The following PSD3 variants were observed in gnomAD, a reference collection of about 807,000 sequenced individuals.
PSD3 encodes pleckstrin and Sec7 domain containing 3.
PSD3 carries 49 observed loss-of-function variants against 105.5 expected under a neutral mutation model. The ratio of observed to expected loss-of-function variants is 0.46; its 90% CI spans 0.37 to 0.59. The LOEUF is 0.59. PSD3 is among the 20% of genes least tolerant of loss of function. The probability of loss-of-function intolerance (pLI) is 0.00; values close to 1 mark genes in which losing one functional copy is unlikely to be tolerated. For synonymous variants in PSD3, 557 were observed against 457.8 expected (o/e 1.22, Z -2.77); for missense variants, 1,561 against 1,263.8 (o/e 1.24, Z -3.57).
intron 9 of PSD3, among the ~76,000 whole-genome samples, chr8:18,752,593 T>TATAA (rs1563225712): frequency 1.2e-5 from 1 of 80,188 alleles, no homozygotes; most frequent in African/African-American, 6.9e-5. Context: ...ATATTATATA[T>TATAA]TATATATTAT....
intron 4 of PSD3, among the ~76,000 whole-genome samples, chr8:18,866,909 C>A (rs1563362447): frequency 6.6e-6 from 1 of 151,862 alleles, no homozygotes; most frequent in Non-Finnish European, 1.5e-5. Context: ...CACACACACA[C>A]ACACACATAT....
chr8:18,694,044 G>C (rs1801127354), intron 9 of PSD3, among the ~76,000 whole-genome samples: 1 of 152,198 alleles, frequency 6.6e-6, no homozygotes, highest in Admixed American at 6.5e-5. Context: ...AAATAGTCCT[G>C]TCCAAGTGTC....
At chr8:18,782,367 G>A (rs1808720260) in intron 8 of PSD3, among the ~76,000 whole-genome samples, 1 of 151,886 alleles carries the variant, frequency 6.6e-6, no homozygotes, top group South Asian at 2.1e-4. Context: ...GAGTTGTTTG[G>A]GTAAGGCGTT....
chr8:18,808,791 ACC>A, intron 4 of PSD3: 1 of 1,613,880 alleles, frequency 6.2e-7, no homozygotes, highest in Non-Finnish European at 8.5e-7. Flanking sequence ...GCCCATCGCA[ACC>A]CCTGGGGTGC....
intron 9 of PSD3, chr8:18,733,884 A>T (rs753940385): frequency 2.0e-5 from 3 of 152,624 alleles, no homozygotes; most frequent in African/African-American, 4.8e-5. Context: ...GGAAAATGAA[A>T]AAAAGAAAAA....
intron 10 of PSD3, among the ~76,000 whole-genome samples, chr8:18,655,232 G>C (rs574062164): frequency 3.3e-5 from 5 of 151,406 alleles, no homozygotes; most frequent in South Asian, 4.2e-4. Flanking sequence ...GGGAGGCTGA[G>C]GCAGGAGAAT....
intron 6 of PSD3, among the ~76,000 whole-genome samples, chr8:18,803,953 C>T (rs967456696): frequency 5.1e-5 from 2 of 38,974 alleles, no homozygotes; most frequent in African/African-American, 1.6e-4. Flanking sequence ...TGTATTCTAA[C>T]ACGATAAAAA....
At chr8:18,880,191 T>C (rs993268538) in intron 2 of PSD3, among the ~76,000 whole-genome samples, 1 of 152,218 alleles carries the variant, frequency 6.6e-6, no homozygotes, top group African/African-American at 2.4e-5. Context: ...TATGCTAAGA[T>C]AATTATTTTT....
chr8:18,771,137 G>C (rs1450290792), intron 8 of PSD3, among the ~76,000 whole-genome samples: 1 of 152,168 alleles, frequency 6.6e-6, no homozygotes, highest in Admixed American at 6.5e-5. Flanking sequence ...TGCTGGCTGA[G>C]GCTGGGGCTT....
intron 1 of PSD3, among the ~76,000 whole-genome samples, chr8:19,038,271 CTGTTT>C (rs1481217977): frequency 1.3e-5 from 2 of 152,154 alleles, no homozygotes; most frequent in Non-Finnish European, 2.9e-5. Context: ...TCCCCATAAT[CTGTTT>C]TATGTTCCTC....
rs1485986961 is a variant in PSD3, at chr8:19,007,999, T to C, written c.21+5564A>G. Among the ~76,000 whole-genome samples the C allele has an allele frequency of 3.3e-5, 5 of 152,146 alleles. No individual in the cohort carries two copies. The East Asian group carries it at 5.8e-4, about 18-fold the overall frequency. ...CTGGGATTACAGGCACCTGCCACCA[T>C]GCCCAGCTAATTTTTGTATTTTTAG... On this transcript the variant is annotated intron_variant, in intron 1 of 15. Transcript: ENST00000327040.
chr8:18,605,183 C>T (rs949587953), intron 11 of PSD3, among the ~76,000 whole-genome samples: 1 of 152,176 alleles, frequency 6.6e-6, no homozygotes, highest in African/African-American at 2.4e-5. Context: ...CAGTCAATGC[C>T]ATCCCATGAG....
intron 2 of PSD3, among the ~76,000 whole-genome samples, chr8:18,897,390 G>T (rs918965278): frequency 6.6e-6 from 1 of 152,162 alleles, no homozygotes; most frequent in Non-Finnish European, 1.5e-5. Flanking sequence ...TTTTATGACA[G>T]TACTATGCTA....
chr8:18,877,425 C>A (rs755234018), intron 2 of PSD3, among the ~76,000 whole-genome samples: 32 of 152,238 alleles, frequency 2.1e-4, no homozygotes, highest in East Asian at 3.9e-4. Flanking sequence ...AAAGACTATT[C>A]TTTACCCATC....
rs1036536159 is a variant in PSD3 at position 18,535,543 on chromosome 8, T to G, written c.*200A>C. On this transcript the variant is annotated 3_prime_UTR_variant, in exon 16 of 16. Transcript: ENST00000327040. ...AGAAAAGGTGCATTAGCTATCAAGTTGCAAAAATCATCAAAGCAAAAGAAA... is the reference window on the plus strand; with the variant it reads ...AGAAAAGGTGCATTAGCTATCAAGTGGCAAAAATCATCAAAGCAAAAGAAA... 1 of 574,586 alleles carries G rather than the reference T, an allele frequency of 1.7e-6. No homozygotes were observed. The highest frequency in any genetic ancestry group is 3.1e-6 in the Non-Finnish European group (1 of 324,836). 35.6% of individuals were successfully genotyped at this position (574,586 alleles called of 1,614,324 possible).
intron 10 of PSD3, among the ~76,000 whole-genome samples, chr8:18,641,968 A>G (rs537029354): frequency 1.6e-4 from 24 of 152,180 alleles, no homozygotes; most frequent in African/African-American, 2.7e-4. Context: ...ATTGCATTCT[A>G]TTCTCTAAAA....
chr8:18,600,125 A>G (rs1238680032), intron 12 of PSD3, among the ~76,000 whole-genome samples: 2 of 152,186 alleles, frequency 1.3e-5, no homozygotes, highest in African/African-American at 4.8e-5. Context: ...GGGATGATTC[A>G]CAGCTGGTCA....
chr8:19,037,182 C>A (rs912332797), intron 1 of PSD3, among the ~76,000 whole-genome samples: 36 of 152,244 alleles, frequency 2.4e-4, no homozygotes, highest in South Asian at 4.1e-4. Flanking sequence ...GGCCCTATGG[C>A]AAATCAATGA....
At chr8:18,609,341 T>G (rs1805087253) in intron 11 of PSD3, among the ~76,000 whole-genome samples, 1 of 152,144 alleles carries the variant, frequency 6.6e-6, no homozygotes, top group African/African-American at 2.4e-5. Context: ...ATGCAAAATA[T>G]CTTGAATTTC....
Sources: allele counts gnomAD v4.1 joint callset (sites outside exome capture counted in the v4.1 genomes callset), GRCh38; gene constraint gnomAD v4.1.1; transcripts MANE v1.5; gene names NCBI Gene and HGNC (gene_info 2026-07-23, HGNC 2026-07-21).